Variants in NTM observed in about 807,000 individuals in gnomAD.
NTM encodes IgLON family member 2.
Under a neutral mutation model 42.1 loss-of-function variants are expected in NTM, and 13 were observed. The observed-to-expected ratio is 0.31, with a 90% CI of 0.20 to 0.49. NTM has a LOEUF of 0.49. NTM is among the 20% of genes least tolerant of loss of function. NTM has a pLI of 0.99. For missense variants in NTM, 373 were observed against 452.8 expected, an observed-to-expected ratio of 0.82 and a Z score of 1.60; for synonymous variants, 187 against 179.2, an observed-to-expected ratio of 1.04 and a Z score of -0.35.
At chr11:132,240,932 G>A (rs2090083663) in intron 4 of NTM, among the ~76,000 whole-genome samples, 1 of 152,144 alleles carries the variant, frequency 6.6e-6, no homozygotes, top group African/African-American at 2.4e-5. Flanking sequence ...AACTTTTTAA[G>A]CACTGACATG....
At chr11:132,312,059 G>GTATT (rs1329235264) in intron 6 of NTM, among the ~76,000 whole-genome samples, 6 of 152,126 alleles carry the variant, frequency 3.9e-5, no homozygotes, top group African/African-American at 1.2e-4. Context: ...CCCTGCACAT[G>GTATT]TATTTATTTA....
At chr11:131,444,380 T>C (rs1224658225) in intron 1 of NTM, among the ~76,000 whole-genome samples, 5 of 152,158 alleles carry the variant, frequency 3.3e-5, no homozygotes, top group Non-Finnish European at 7.4e-5. Flanking sequence ...TATCAAATGC[T>C]GCAGATGGTT....
At chr11:131,616,026 C>T (rs754259005) in intron 1 of NTM, among the ~76,000 whole-genome samples, 1 of 152,242 alleles carries the variant, frequency 6.6e-6, no homozygotes, top group Non-Finnish European at 1.5e-5. Context: ...GCTTCACATC[C>T]TTGCGTGGCC....
At chr11:131,592,377 C>T (rs765338522) in intron 1 of NTM, among the ~76,000 whole-genome samples, 1 of 152,050 alleles carries the variant, frequency 6.6e-6, no homozygotes, top group Non-Finnish European at 1.5e-5. Context: ...ACCTAAGATC[C>T]ACGAAGTCTA....
At chr11:131,948,593 G>A (rs1374544420) in intron 2 of NTM, among the ~76,000 whole-genome samples, 1 of 152,118 alleles carries the variant, frequency 6.6e-6, no homozygotes, top group East Asian at 1.9e-4. Context: ...AGTGTGTCCG[G>A]TTCAGCCCTT....
At position 132,335,796 on chromosome 11, in the gene NTM, AATTTC is replaced by A. The variant is rs1180123477; in HGVS notation, c.*654_*658del. 3 of 152,378 alleles carry A rather than the reference AATTTC, an allele frequency of 2.0e-5. No homozygotes were observed. The highest frequency in any genetic ancestry group is 2.9e-5 in the Non-Finnish European group (2 of 68,008). The allele number at this position is 152,378 out of a possible 1,614,324, so 9.4% of individuals were successfully genotyped here. A position where few individuals can be genotyped will look rare whatever the true frequency, so the allele number is the denominator to read the frequency against. ...TAACAAGGGATTCTGATTCATTATT[AATTTC>A]ATTAATTATATTTTCTGATATGAGT... On this transcript the variant is annotated 3_prime_UTR_variant, in exon 9 of 9. Coordinates refer to ENST00000683400, the MANE Select transcript of NTM (RefSeq NM_001352005.2).
At chr11:131,426,686 C>A (rs1189611581) in intron 1 of NTM, among the ~76,000 whole-genome samples, 2 of 152,146 alleles carry the variant, frequency 1.3e-5, no homozygotes, top group African/African-American at 4.8e-5. Context: ...TCGGAAGGCC[C>A]ACCTGTCAGA....
At chr11:132,083,379 G>A (rs548139011) in intron 2 of NTM, among the ~76,000 whole-genome samples, 1 of 152,340 alleles carries the variant, frequency 6.6e-6, no homozygotes, top group South Asian at 2.1e-4. Context: ...TTTGCATAAA[G>A]TGCAGCAAGA....
chr11:132,263,951 C>A (rs1199022664), intron 4 of NTM, among the ~76,000 whole-genome samples: 2 of 152,206 alleles, frequency 1.3e-5, no homozygotes, highest in Non-Finnish European at 2.9e-5. Flanking sequence ...TGGAAGCTTT[C>A]TCTCCAGTTT....
intron 1 of NTM, among the ~76,000 whole-genome samples, chr11:131,490,601 C>A (rs1251997240): frequency 1.3e-5 from 2 of 152,074 alleles, no homozygotes; most frequent in Admixed American, 6.5e-5. Flanking sequence ...TTGGGATGGT[C>A]TAGTGCAAAA....
intron 1 of NTM, among the ~76,000 whole-genome samples, chr11:131,465,594 ACTC>A (rs1951807469): frequency 6.6e-6 from 1 of 152,014 alleles, no homozygotes. Flanking sequence ...GGATCTGTGT[ACTC>A]CTCTGAGGTA....
At chr11:131,735,877 TAA>T (rs1425234918) in intron 1 of NTM, among the ~76,000 whole-genome samples, 1 of 150,438 alleles carries the variant, frequency 6.6e-6, no homozygotes, top group Non-Finnish European at 1.5e-5. Flanking sequence ...TGTGTGTGTA[TAA>T]AAAAATATAT....
chr11:131,665,088 C>T (rs548312789), intron 1 of NTM, among the ~76,000 whole-genome samples: 5 of 152,270 alleles, frequency 3.3e-5, no homozygotes, highest in South Asian at 2.1e-4. Flanking sequence ...GTGGCATTCA[C>T]GCGTCCCCTC....
At chr11:131,898,645 G>A (rs2052662489) in intron 1 of NTM, among the ~76,000 whole-genome samples, 2 of 152,204 alleles carry the variant, frequency 1.3e-5, no homozygotes, top group African/African-American at 4.8e-5. Context: ...GGATATGCTT[G>A]TTGAATAAAT....
At chr11:131,394,102 G>A (rs925468756) in intron 1 of NTM, among the ~76,000 whole-genome samples, 1 of 152,202 alleles carries the variant, frequency 6.6e-6, no homozygotes, top group African/African-American at 2.4e-5. Flanking sequence ...CTTTCAACAC[G>A]ATTTTCCAAT....
At chr11:132,229,373 C>T (rs2086981144) in intron 4 of NTM, among the ~76,000 whole-genome samples, 1 of 152,172 alleles carries the variant, frequency 6.6e-6, no homozygotes, top group African/African-American at 2.4e-5. Flanking sequence ...AGAGGTTTCA[C>T]TCCGAACTCA....
intron 3 of NTM, among the ~76,000 whole-genome samples, chr11:132,166,264 T>C (rs1208103582): frequency 6.6e-6 from 1 of 152,150 alleles, no homozygotes; most frequent in Non-Finnish European, 1.5e-5. Flanking sequence ...ACCTATAATG[T>C]CAGTTTTGCA....
chr11:131,972,507 T>C (rs1027178390), intron 2 of NTM, among the ~76,000 whole-genome samples: 12 of 152,222 alleles, frequency 7.9e-5, no homozygotes, highest in Non-Finnish European at 1.5e-4. Context: ...GCTATAGCTT[T>C]GTTTCCTCCC....
intron 8 of NTM, chr11:132,332,735 GA>G (rs769063965): frequency 6.6e-6 from 1 of 152,254 alleles, no homozygotes; most frequent in Non-Finnish European, 1.5e-5. Flanking sequence ...CCCCAGCCTG[GA>G]AACAAGGTTT....
Sources: allele counts gnomAD v4.1 joint callset (sites outside exome capture counted in the v4.1 genomes callset), GRCh38; gene constraint gnomAD v4.1.1; transcripts MANE v1.5; gene names NCBI Gene and HGNC (gene_info 2026-07-23, HGNC 2026-07-21).